PHF14: variants seen among roughly 807,000 people sequenced by gnomAD.
PHF14 encodes PHD finger protein 14.
In PHF14, 55 loss-of-function variants were observed where a neutral mutation model predicts 117.9. The ratio of observed to expected loss-of-function variants is 0.47; its 90% CI spans 0.38 to 0.58. The LOEUF (loss-of-function observed/expected upper bound fraction) is 0.58. Among genes scored for constraint, PHF14 ranks in the 20% least tolerant of loss-of-function variants. The pLI, the probability that PHF14 is intolerant of heterozygous loss-of-function variation, is 0.00. For missense variants in PHF14, 978 were observed against 1,122.2 expected (o/e 0.87, Z 1.84); for synonymous variants, 409 against 368.6 (o/e 1.11, Z -1.26).
intron 4 of PHF14, 54 bp from the exon 5 acceptor site, chr7:11,013,693 T>C: frequency 1.0e-6 from 1 of 982,602 alleles, no homozygotes; most frequent in East Asian, 2.6e-5. Flanking sequence ...TGTGATTTTA[T>C]GTGACTTTAA....
At chr7:11,115,110 A>G (rs1215378692) in intron 17 of PHF14, among the ~76,000 whole-genome samples, 2 of 152,018 alleles carry the variant, frequency 1.3e-5, no homozygotes, top group Non-Finnish European at 2.9e-5. Flanking sequence ...CTTATCTCAC[A>G]TAGCAAATCA....
In PHF14 at chr7:11,061,940, A is replaced by G. The variant is rs761403749; in HGVS notation, c.2533-24A>G. ...ATCCTTATTTTGTTTGTTATGTTTTATTTTATTATCCCTTGTATGGCAGGA... is the reference window on the plus strand; with the variant it reads ...ATCCTTATTTTGTTTGTTATGTTTTGTTTTATTATCCCTTGTATGGCAGGA... On this transcript the variant is annotated intron_variant, in intron 15 of 17. Coordinates refer to ENST00000634607, the MANE Select transcript of PHF14 (RefSeq NM_001007157.2). The G allele has an allele frequency of 3.2e-6, 5 of 1,555,870 alleles. No homozygotes were observed. The African/African-American group carries it at 6.9e-5, about 21-fold the overall frequency.
intron 5 of PHF14, among the ~76,000 whole-genome samples, chr7:11,020,685 T>G (rs1188492536): frequency 6.8e-6 from 1 of 147,916 alleles, no homozygotes; most frequent in African/African-American, 2.7e-5. Context: ...GACCACTTCT[T>G]TCTTTTTTTT....
intron 16 of PHF14, among the ~76,000 whole-genome samples, chr7:11,085,809 C>A (rs1020495574): frequency 2.0e-5 from 3 of 151,992 alleles, no homozygotes; most frequent in African/African-American, 7.3e-5. Context: ...TCCACCTTGG[C>A]CTCCCAAAGT....
At chr7:11,157,259 C>T (rs538933802) in intron 17 of PHF14, among the ~76,000 whole-genome samples, 35 of 152,110 alleles carry the variant, frequency 2.3e-4, no homozygotes, top group African/African-American at 5.1e-4. Context: ...TAGGAATAGA[C>T]GTGACTTCAA....
At chr7:11,147,196 T>C (rs1019037084) in intron 17 of PHF14, among the ~76,000 whole-genome samples, 1 of 152,170 alleles carries the variant, frequency 6.6e-6, no homozygotes, top group Non-Finnish European at 1.5e-5. Context: ...CAGAGCCATA[T>C]GTGTTGTTTG....
intron 4 of PHF14, among the ~76,000 whole-genome samples, 167 bp from the exon 5 acceptor site, chr7:11,013,579 GA>G (rs1243053989): frequency 6.6e-6 from 1 of 152,062 alleles, no homozygotes; most frequent in Non-Finnish European, 1.5e-5. Flanking sequence ...TACATTAGGT[GA>G]AAAAGTATAT....
At chr7:11,089,311 A>AT (rs1769896016) in intron 16 of PHF14, among the ~76,000 whole-genome samples, 6 of 152,348 alleles carry the variant, frequency 3.9e-5, no homozygotes, top group Admixed American at 3.9e-4. Context: ...GGATATGTTC[A>AT]TTGAGGCACA....
At chr7:11,007,232 G>C (rs1025226050) in intron 4 of PHF14, among the ~76,000 whole-genome samples, 3 of 151,874 alleles carry the variant, frequency 2.0e-5, no homozygotes, top group African/African-American at 4.8e-5. Flanking sequence ...TTAGTTATTA[G>C]GTTCTCTTTT....
intron 17 of PHF14, among the ~76,000 whole-genome samples, chr7:11,167,079 A>G (rs1789224109): frequency 6.6e-6 from 1 of 152,244 alleles, no homozygotes; most frequent in Non-Finnish European, 1.5e-5. Context: ...ATCCATAGTT[A>G]AATATGAAAA....
intron 16 of PHF14, among the ~76,000 whole-genome samples, chr7:11,096,252 A>G (rs1181759594): frequency 6.6e-6 from 1 of 152,170 alleles, no homozygotes; most frequent in Non-Finnish European, 1.5e-5. Flanking sequence ...AAAGAAGATC[A>G]TCCTGCATAA....
chr7:11,122,412 CGTATAT>C (rs1787800478), intron 17 of PHF14, among the ~76,000 whole-genome samples: 2 of 119,586 alleles, frequency 1.7e-5, no homozygotes, highest in African/African-American at 6.3e-5. Flanking sequence ...TATATATACA[CGTATAT>C]ATATATACAC....
intron 14 of PHF14, among the ~76,000 whole-genome samples, chr7:11,054,710 C>T (rs1238223783): frequency 6.6e-6 from 1 of 152,060 alleles, no homozygotes; most frequent in East Asian, 1.9e-4. Context: ...ATACCTTTTG[C>T]AATATATAAC....
chr7:10,994,869 A>G (rs1430850483), intron 4 of PHF14, among the ~76,000 whole-genome samples: 2 of 152,182 alleles, frequency 1.3e-5, no homozygotes, highest in African/African-American at 4.8e-5. Flanking sequence ...TTTATTGCAA[A>G]GAGCGAAAGA....
intron 16 of PHF14, among the ~76,000 whole-genome samples, chr7:11,076,878 G>GT (rs111330414): frequency 0.039 from 5,221 of 135,204 alleles, 189 homozygotes; most frequent in African/African-American, 0.096. Context: ...TTCAAATATG[G>GT]TTTTTTTTTT....
intron 5 of PHF14, among the ~76,000 whole-genome samples, chr7:11,020,254 A>G (rs946997316): frequency 2.0e-5 from 3 of 151,746 alleles, no homozygotes; most frequent in Admixed American, 1.3e-4. Context: ...ACACCAGGCT[A>G]ATGTTTGTAT....
chr7:11,075,128 A>G lies in PHF14; in HGVS notation c.2654+13043A>G, dbSNP rs933690820. On this transcript the variant is annotated intron_variant, in intron 16 of 17. Coordinates refer to ENST00000634607, the MANE Select transcript of PHF14 (RefSeq NM_001007157.2). ...AATTTTTTGTATTTTTAGAAGAGAC[A>G]GAGTTTCACCGTGTTGCCCAGGCTG... is the stretch of plus-strand genomic sequence containing the variant. 2.6e-5 allele frequency among the ~76,000 whole-genome samples: 4 copies of G among 151,888 alleles called. No homozygotes were observed. In the South Asian group the frequency reaches 8.3e-4, roughly 32 times the overall value.
At chr7:11,087,197 C>CTTTTTTTTTTTTTTTTTTTTTTTTTTTT (rs34960792) in intron 16 of PHF14, among the ~76,000 whole-genome samples, 1 of 149,392 alleles carries the variant, frequency 6.7e-6, no homozygotes, top group South Asian at 2.1e-4. Flanking sequence ...GCCCTTCTTT[C>CTTTTTTTTTTTTTTTTTTTTTTTTTTTT]TTTTTTTTTG....
chr7:11,122,053 TC>T (rs532874629), intron 17 of PHF14, among the ~76,000 whole-genome samples: 2 of 151,564 alleles, frequency 1.3e-5, no homozygotes, highest in South Asian at 4.2e-4. Context: ...GTTGCTTCTC[TC>T]CCTGTGTCCA....
Sources: allele counts gnomAD v4.1 joint callset (sites outside exome capture counted in the v4.1 genomes callset), GRCh38; gene constraint gnomAD v4.1.1; transcripts MANE v1.5; gene names NCBI Gene and HGNC (gene_info 2026-07-23, HGNC 2026-07-21).